Variants in SLC25A37 observed in about 807,000 individuals in gnomAD.
The protein encoded by SLC25A37 is solute carrier family 25 member 37.
SLC25A37 carries 17 observed loss-of-function variants against 31.0 expected under a neutral mutation model. That is an observed-to-expected ratio of 0.55 (90% CI 0.38 to 0.82). The LOEUF is 0.82. SLC25A37 is among the 40% of genes least tolerant of loss of function. SLC25A37 has a pLI of 0.00. For missense variants in SLC25A37, 404 were observed against 465.8 expected (o/e 0.87, Z 1.22); for synonymous variants, 222 against 193.0 (o/e 1.15, Z -1.24).
At position 23,574,852 on chromosome 8, in the gene SLC25A37, C is replaced by A. The variant is rs1326197316; in HGVS notation, c.*2997C>A. The A allele has an allele frequency of 6.5e-6, 1 of 154,596 alleles. No individual in the cohort carries two copies. The highest frequency in any genetic ancestry group is 1.5e-5 in the Non-Finnish European group (1 of 68,314). 9.6% of individuals were successfully genotyped at this position (154,596 alleles called of 1,614,324 possible). ...GTCATTGGTGTCTTTGGAGTGACAT[C>A]TGCAGCCAGTTAGTGCCACCTGAGT... On this transcript the variant is annotated 3_prime_UTR_variant, in exon 4 of 4. Coordinates refer to ENST00000519973, the MANE Select transcript of SLC25A37 (RefSeq NM_016612.4).
At chr8:23,564,363 C>CT (rs1319413331) in intron 1 of SLC25A37, among the ~76,000 whole-genome samples, 14 of 149,188 alleles carry the variant, frequency 9.4e-5, no homozygotes, top group African/African-American at 3.5e-4. Flanking sequence ...AGAAGCCCTC[C>CT]TTTTTTATAT....
intron 2 of SLC25A37, chr8:23,567,991 A>AT: frequency 2.5e-6 from 1 of 407,906 alleles, no homozygotes. Context: ...GAGAGTTAAC[A>AT]TCTAGACAGT....
At chr8:23,564,271 T>A (rs1802591078) in intron 1 of SLC25A37, among the ~76,000 whole-genome samples, 1 of 152,070 alleles carries the variant, frequency 6.6e-6, no homozygotes, top group Non-Finnish European at 1.5e-5. Flanking sequence ...TCACCGTTCC[T>A]CCAAGCCCTG....
chr8:23,562,446 C>A (rs1298751339), intron 1 of SLC25A37, among the ~76,000 whole-genome samples: 1 of 152,208 alleles, frequency 6.6e-6, no homozygotes, highest in Non-Finnish European at 1.5e-5. Flanking sequence ...CCCTTTCACC[C>A]CGGTGGGTAT....
rs139791440 is a variant in SLC25A37, at chr8:23,572,798, T to C, written c.*943T>C. 1 of 152,270 alleles carries C rather than the reference T, an allele frequency of 6.6e-6. No homozygotes were observed. Among genetic ancestry groups the C allele is most frequent in the Non-Finnish European group, 1.5e-5 (1 of 68,074 alleles). The allele number at this position is 152,270 out of a possible 1,614,324, so 9.4% of individuals were successfully genotyped here. On this transcript the variant is annotated 3_prime_UTR_variant, in exon 4 of 4. Transcript: ENST00000519973. Reference sequence around the variant, plus strand: ...GGAGGGTGGTGGAGCCCAGTAGAATTGGGGTGACTGGGCATAAACCTGCTG... The same window carrying C: ...GGAGGGTGGTGGAGCCCAGTAGAATCGGGGTGACTGGGCATAAACCTGCTG...
chr8:23,551,110 G>A (rs1325387281), intron 1 of SLC25A37, among the ~76,000 whole-genome samples: 1 of 152,240 alleles, frequency 6.6e-6, no homozygotes, highest in Non-Finnish European at 1.5e-5. Context: ...ACTGGTCAAA[G>A]GTCCCCAGAG....
intron 1 of SLC25A37, among the ~76,000 whole-genome samples, chr8:23,561,806 T>C (rs1802522634): frequency 6.6e-6 from 1 of 152,214 alleles, no homozygotes; most frequent in Non-Finnish European, 1.5e-5. Flanking sequence ...AATCAGTGTG[T>C]GCTAGGGTGG....
intron 1 of SLC25A37, among the ~76,000 whole-genome samples, chr8:23,535,572 T>C (rs1446590869): frequency 6.6e-6 from 1 of 152,230 alleles, no homozygotes; most frequent in African/African-American, 2.4e-5. Flanking sequence ...GCACATTACC[T>C]AACCTCTCTA....
chr8:23,552,907 G>A (rs1338125029), intron 1 of SLC25A37, among the ~76,000 whole-genome samples: 2 of 152,202 alleles, frequency 1.3e-5, no homozygotes, highest in African/African-American at 2.4e-5. Context: ...GAGCCCCATC[G>A]TGCAAAACCG....
intron 1 of SLC25A37, among the ~76,000 whole-genome samples, chr8:23,551,715 CGGG>C (rs1236216177): frequency 1.3e-5 from 2 of 151,986 alleles, no homozygotes; most frequent in Non-Finnish European, 2.9e-5. Context: ...GATAAGAAAA[CGGG>C]GGCAGAGAAC....
At chr8:23,557,594 G>A (rs1012459466) in intron 1 of SLC25A37, among the ~76,000 whole-genome samples, 1 of 152,172 alleles carries the variant, frequency 6.6e-6, no homozygotes, top group African/African-American at 2.4e-5. Context: ...GTGGATGGGA[G>A]TTGGCTTCTT....
chr8:23,544,761 C>T lies in SLC25A37; in HGVS notation c.210+15549C>T, dbSNP rs150250881. Among the ~76,000 whole-genome samples, 357 of 152,274 alleles carry T rather than the reference C, an allele frequency of 2.3e-3. 2 individuals carry two copies. The highest frequency in any genetic ancestry group is 8.1e-3 in the African/African-American group (337 of 41,552). On this transcript the variant is annotated intron_variant, in intron 1 of 3. Transcript: ENST00000519973. ...GGCCATCCCCAGGGTGCCTGCATGC[C>T]ACTGACACTCTAATCTGGGGTTCTG...
chr8:23,570,657 G>T (rs1223770203), intron 3 of SLC25A37, among the ~76,000 whole-genome samples: 1 of 151,990 alleles, frequency 6.6e-6, no homozygotes, highest in Non-Finnish European at 1.5e-5. Context: ...ATAACTATTG[G>T]TTTACAGTCT....
At chr8:23,567,709 T>C (rs1297863075) in intron 2 of SLC25A37, 1 of 152,434 alleles carries the variant, frequency 6.6e-6, no homozygotes, top group Admixed American at 6.5e-5. Context: ...TTGAGGTTCC[T>C]GGTTCTTGAA....
At chr8:23,531,832 C>A (rs772448805) in intron 1 of SLC25A37, 3 of 152,154 alleles carry the variant, frequency 2.0e-5, no homozygotes, top group Non-Finnish European at 4.4e-5. Flanking sequence ...CACCTCACAT[C>A]CCCAGTGTCA....
Position 23,571,801 on chromosome 8 carries a change from G to A in SLC25A37, c.963G>A (p.Glu321=). 6.2e-7 allele frequency: 1 copy of A among 1,613,820 alleles called. No homozygotes were observed. Among genetic ancestry groups the A allele is most frequent in the Non-Finnish European group, 8.5e-7 (1 of 1,179,708 alleles). ...CCGCCATTTCTTGGTCTGTCTATGA[G>A]TTCTTCAAGTACTTTCTCACCAAGC... ...PSTAISWSVY[E]FFKYFLTKRQ... is the part of the protein sequence containing the mutation. Residue 321 remains glutamate (E), a synonymous_variant, in exon 4 of 4, where the codon GAG becomes GAA. Coordinates refer to ENST00000519973, the MANE Select transcript of SLC25A37 (RefSeq NM_016612.4).
At chr8:23,538,416 A>G (rs1282791228) in intron 1 of SLC25A37, among the ~76,000 whole-genome samples, 3 of 151,684 alleles carry the variant, frequency 2.0e-5, no homozygotes, top group Non-Finnish European at 4.4e-5. Flanking sequence ...ACCAGAAAAA[A>G]AAACTTGCCA....
At chr8:23,544,093 C>G (rs985915174) in intron 1 of SLC25A37, among the ~76,000 whole-genome samples, 2 of 152,146 alleles carry the variant, frequency 1.3e-5, no homozygotes, top group African/African-American at 4.8e-5. Flanking sequence ...CTCCCAACCT[C>G]AAGTGATCCA....
At chr8:23,560,932 G>A (rs1236460399) in intron 1 of SLC25A37, among the ~76,000 whole-genome samples, 1 of 152,106 alleles carries the variant, frequency 6.6e-6, no homozygotes, top group Admixed American at 6.5e-5. Context: ...AATAAAAGAA[G>A]GAAGGGTAGG....
Sources: gnomAD v4.1 joint callset for allele counts (sites outside exome capture counted in the v4.1 genomes callset) on GRCh38, gnomAD v4.1.1 for gene constraint, MANE v1.5 for transcripts, NCBI Gene and HGNC (gene_info 2026-07-23, HGNC 2026-07-21) for gene names.